Variants in PALM2AKAP2 observed in about 807,000 individuals in gnomAD.
PALM2AKAP2 encodes PALM2-AKAP2 fusion protein.
A neutral mutation model predicts 71.5 loss-of-function variants in PALM2AKAP2; 37 were observed. The observed-to-expected ratio is 0.52, with a 90% CI of 0.40 to 0.68. PALM2AKAP2 has a LOEUF of 0.68. Ranked by LOEUF, PALM2AKAP2 falls within the 30% of genes least tolerant of loss-of-function variation. The pLI, the probability that PALM2AKAP2 is intolerant of heterozygous loss-of-function variation, is 0.00. For synonymous variants in PALM2AKAP2, 468 were observed against 478.8 expected (o/e 0.98, Z 0.29); for missense variants, 1,224 against 1,191.8 (o/e 1.03, Z -0.40).
intron 1 of PALM2AKAP2, among the ~76,000 whole-genome samples, chr9:110,079,798 G>A (rs7870735): frequency 0.012 from 1,802 of 151,950 alleles, 40 homozygotes; most frequent in African/African-American, 0.041. Context: ...TGCTGGGCAC[G>A]GTGGCTCACG....
chr9:110,057,539 C>T (rs559312642), intron 1 of PALM2AKAP2, among the ~76,000 whole-genome samples: 80 of 152,038 alleles, frequency 5.3e-4, no homozygotes, highest in East Asian at 1.9e-3. Context: ...CCACCACGCC[C>T]GGCTAATTTC....
intron 6 of PALM2AKAP2, among the ~76,000 whole-genome samples, chr9:110,002,296 G>C (rs1431986247): frequency 1.3e-5 from 2 of 152,104 alleles, no homozygotes; most frequent in African/African-American, 2.4e-5. Context: ...CATTGGTTCT[G>C]TTTATATGCT....
chr9:109,654,750 G>GGTGTGTGTGTGTGTGT (rs374397482), intron 1 of PALM2AKAP2, among the ~76,000 whole-genome samples: 8,471 of 147,130 alleles, frequency 0.058, 294 homozygotes, highest in South Asian at 0.11. Flanking sequence ...GTATGTGTAT[G>GGTGTGTGTGTGTGTGT]GTGTGTGTGT....
chr9:109,871,762 C>G (rs1371736392), intron 2 of PALM2AKAP2, among the ~76,000 whole-genome samples: 1 of 152,076 alleles, frequency 6.6e-6, no homozygotes. Flanking sequence ...TTTTAATACC[C>G]ATACAAAAAC....
chr9:110,007,183 T>C (rs960413188), intron 6 of PALM2AKAP2, among the ~76,000 whole-genome samples: 1 of 152,166 alleles, frequency 6.6e-6, no homozygotes, highest in Non-Finnish European at 1.5e-5. Context: ...GCCAGGAGAA[T>C]TGCAGAGAGG....
intron 1 of PALM2AKAP2, among the ~76,000 whole-genome samples, chr9:110,107,326 T>G (rs1181399350): frequency 1.3e-5 from 2 of 152,160 alleles, no homozygotes; most frequent in African/African-American, 2.4e-5. Context: ...ATGCATTGTA[T>G]GTACGGAAAC....
At chr9:109,825,815 A>G (rs1326587131) in intron 1 of PALM2AKAP2, among the ~76,000 whole-genome samples, 1 of 152,342 alleles carries the variant, frequency 6.6e-6, no homozygotes, top group African/African-American at 2.4e-5. Context: ...GCGATTCCTC[A>G]GGGATCTAGA....
At chr9:109,797,451 A>C (rs1046064883) in intron 1 of PALM2AKAP2, among the ~76,000 whole-genome samples, 3 of 152,186 alleles carry the variant, frequency 2.0e-5, no homozygotes, top group African/African-American at 4.8e-5. Context: ...AGCATCCACA[A>C]ATTTCCAGCT....
chr9:109,781,012 G>A (rs1829437631), intron 1 of PALM2AKAP2, among the ~76,000 whole-genome samples: 1 of 152,182 alleles, frequency 6.6e-6, no homozygotes, highest in East Asian at 1.9e-4. Context: ...AACCGGGAAT[G>A]TTAGTTTTCC....
At position 110,135,164 on chromosome 9, in the gene PALM2AKAP2, A is replaced by AAAAAAAAATATATATAT; in HGVS notation, c.157-962_157-961insAAAAAAATATATATATA. 3.7e-4 allele frequency among the ~76,000 whole-genome samples: 19 copies of AAAAAAAAATATATATAT among 51,712 alleles called. 1 individual carries two copies. Among genetic ancestry groups the AAAAAAAAATATATATAT allele is most frequent in the East Asian group, 1.3e-3 (1 of 792 alleles). 33.9% of individuals were successfully genotyped at this position (51,712 alleles called of 152,430 possible). A position where few individuals can be genotyped will look rare whatever the true frequency, so the allele number is the denominator to read the frequency against. ...AACTCTGTCTCTACAAAAAAAAAAA[A>AAAAAAAAATATATATAT]ATATATAAATATATATATATATATA... On this transcript the variant is annotated intron_variant, in intron 1 of 3. Transcript: ENST00000374525.
At chr9:109,746,749 C>T (rs543668643) in intron 1 of PALM2AKAP2, among the ~76,000 whole-genome samples, 3 of 152,228 alleles carry the variant, frequency 2.0e-5, no homozygotes, top group East Asian at 1.9e-4. Context: ...TGAGATAGTC[C>T]TATTTTATCT....
Position 109,843,140 on chromosome 9 carries a change from C to CAAA in PALM2AKAP2, c.46-24333_46-24331dup, listed in dbSNP as rs60510582. On this transcript the variant is annotated intron_variant, in intron 1 of 9. Coordinates refer to the PALM2AKAP2 transcript ENST00000302798. The stretch of plus-strand genomic sequence containing the variant: ...GGGCAACAGGAATGAAACTCGGTCT[C>CAAA]AAAAAAAAAAAAAAAAAAAATCGAA... Among the ~76,000 whole-genome samples, 321 of 62,822 alleles carry CAAA rather than the reference C, an allele frequency of 5.1e-3. 18 individuals carry two copies. Among genetic ancestry groups the CAAA allele is most frequent in the African/African-American group, 0.022 (292 of 13,500 alleles). 41.2% of individuals were successfully genotyped at this position (62,822 alleles called of 152,430 possible).
chr9:110,015,932 G>A (rs1164472676), intron 6 of PALM2AKAP2, 22 bp from the exon 7 acceptor site: 7 of 1,607,668 alleles, frequency 4.4e-6, no homozygotes, highest in Non-Finnish European at 5.1e-6. Flanking sequence ...GGCTCAAATG[G>A]CACTTCTTTT....
chr9:109,873,966 A>C (rs1483636975), intron 2 of PALM2AKAP2, among the ~76,000 whole-genome samples: 1 of 152,184 alleles, frequency 6.6e-6, no homozygotes, highest in South Asian at 2.1e-4. Context: ...CATAGATTCC[A>C]TCTCTACAAA....
At chr9:109,995,092 C>T (rs1365097178) in intron 6 of PALM2AKAP2, among the ~76,000 whole-genome samples, 3 of 152,102 alleles carry the variant, frequency 2.0e-5, no homozygotes, top group African/African-American at 7.2e-5. Context: ...TAGGCTTCTA[C>T]ATGATTCAAG....
At chr9:110,022,481 T>C (rs1833089997) in intron 7 of PALM2AKAP2, among the ~76,000 whole-genome samples, 1 of 152,204 alleles carries the variant, frequency 6.6e-6, no homozygotes, top group African/African-American at 2.4e-5. Flanking sequence ...TTGATCTTCC[T>C]GCTCTCCCTC....
At chr9:110,038,668 G>A (rs949322068) in intron 7 of PALM2AKAP2, among the ~76,000 whole-genome samples, 2 of 152,070 alleles carry the variant, frequency 1.3e-5, no homozygotes, top group African/African-American at 4.8e-5. Context: ...GCTGGGCATG[G>A]CGGCTCATAC....
chr9:109,701,093 G>A (rs7860919), intron 1 of PALM2AKAP2, among the ~76,000 whole-genome samples: 1 of 151,952 alleles, frequency 6.6e-6, no homozygotes, highest in Non-Finnish European at 1.5e-5. Context: ...GTAAGGTTGG[G>A]GTATATATAT....
chr9:110,055,508 T>C (rs1833817729), intron 1 of PALM2AKAP2, among the ~76,000 whole-genome samples: 1 of 152,142 alleles, frequency 6.6e-6, no homozygotes, highest in South Asian at 2.1e-4. Flanking sequence ...AGGGGCCTCT[T>C]TTGGTGAAAA....
Sources: gnomAD v4.1 joint callset for allele counts (sites outside exome capture counted in the v4.1 genomes callset) on GRCh38, gnomAD v4.1.1 for gene constraint, MANE v1.5 for transcripts, NCBI Gene and HGNC (gene_info 2026-07-23, HGNC 2026-07-21) for gene names.